Variants in NEDD9 observed in about 807,000 individuals in gnomAD.
The protein encoded by NEDD9 is neural precursor cell expressed, developmentally down-regulated 9.
A neutral mutation model predicts 76.6 loss-of-function variants in NEDD9; 26 were observed. The ratio of observed to expected loss-of-function variants is 0.34; its 90% CI spans 0.25 to 0.47. NEDD9 has a LOEUF of 0.47. NEDD9 is among the 20% of genes least tolerant of loss of function. The pLI, the probability that NEDD9 is intolerant of heterozygous loss-of-function variation, is 1.00. For missense variants in NEDD9, 937 were observed against 1,058.5 expected, an observed-to-expected ratio of 0.89 and a Z score of 1.59; for synonymous variants, 392 against 414.2, an observed-to-expected ratio of 0.95 and a Z score of 0.65.
chr6:11,247,397 G>T (rs187686846), intron 3 of NEDD9, among the ~76,000 whole-genome samples: 75 of 152,252 alleles, frequency 4.9e-4, no homozygotes, highest in African/African-American at 1.7e-3. Flanking sequence ...TTAGAAGTAG[G>T]CGATCCACTA....
Position 11,190,946 on chromosome 6 carries a change from T to G in NEDD9, c.923A>C (p.Gln308Pro). ...SPNHPPPQLG[Q>P]SVGSQNDAYD... Reference sequence around the variant, plus strand: ...TGCGTCGTTCTGAGAGCCCACTGACTGTCCGAGTTGCGGGGGTGGGTGATT... The same window carrying G: ...TGCGTCGTTCTGAGAGCCCACTGACGGTCCGAGTTGCGGGGGTGGGTGATT... Residue 308 changes from glutamine to proline, a missense_variant, in exon 5 of 7, where the codon CAG (glutamine) becomes CCG (proline). By Grantham distance (76) the Gln-to-Pro change is moderately conservative. Coordinates refer to ENST00000379446, the MANE Select transcript of NEDD9 (RefSeq NM_006403.4). The surrounding 1 kb of genome is among the most constrained non-coding windows in gnomAD (Gnocchi z 5.8). The G allele has an allele frequency of 6.2e-7, 1 of 1,614,038 alleles. No homozygotes were observed. Among genetic ancestry groups the G allele is most frequent in the East Asian group, 2.2e-5 (1 of 44,864 alleles).
chr6:11,245,942 A>T (rs1195177992), intron 3 of NEDD9, among the ~76,000 whole-genome samples: 3 of 141,284 alleles, frequency 2.1e-5, no homozygotes. Flanking sequence ...CACATGGTTT[A>T]GTTTTTTTTT....
At chr6:11,354,152 G>T (rs995510405) in intron 1 of NEDD9, among the ~76,000 whole-genome samples, 2 of 152,212 alleles carry the variant, frequency 1.3e-5, no homozygotes, top group African/African-American at 4.8e-5. Flanking sequence ...GCTGAGTTGG[G>T]CTGAGAATGA....
chr6:11,273,861 G>A (rs1260166192), intron 3 of NEDD9, among the ~76,000 whole-genome samples: 1 of 152,144 alleles, frequency 6.6e-6, no homozygotes, highest in African/African-American at 2.4e-5. Context: ...GTACTTTGAC[G>A]TACTCTGACC....
intron 2 of NEDD9, among the ~76,000 whole-genome samples, chr6:11,306,628 A>G (rs1319062025): frequency 1.3e-5 from 2 of 152,130 alleles, no homozygotes; most frequent in African/African-American, 4.8e-5. Context: ...CTACTCTCCC[A>G]TCCCTGAGGC....
chr6:11,192,596 C>CTT (rs34998457), intron 3 of NEDD9, 150 bp from the exon 4 acceptor site: 204,816 of 502,876 alleles, frequency 0.41, 31,169 homozygotes, highest in African/African-American at 0.58. Flanking sequence ...GATTTATTGC[C>CTT]TTTTTTTTTA....
At chr6:11,372,551 T>C (rs1762896545) in intron 1 of NEDD9, among the ~76,000 whole-genome samples, 2 of 152,240 alleles carry the variant, frequency 1.3e-5, no homozygotes, top group African/African-American at 4.8e-5. Flanking sequence ...GCTCTATTTT[T>C]AGTTTTTTGA....
intron 2 of NEDD9, among the ~76,000 whole-genome samples, chr6:11,307,646 A>G (rs999782787): frequency 1.3e-5 from 2 of 152,172 alleles, no homozygotes; most frequent in Non-Finnish European, 2.9e-5. Context: ...ATATATATAT[A>G]TACACACACA....
chr6:11,206,530 A>G (rs1229642812), intron 2 of NEDD9, among the ~76,000 whole-genome samples: 2 of 152,248 alleles, frequency 1.3e-5, no homozygotes, highest in African/African-American at 4.8e-5. Flanking sequence ...GCCAGACATC[A>G]TATTAAAGCA....
chr6:11,380,921 G>A (rs114393304), intron 1 of NEDD9, among the ~76,000 whole-genome samples: 2,802 of 152,110 alleles, frequency 0.018, 45 homozygotes, highest in Non-Finnish European at 0.023. Context: ...CAATCCTCCC[G>A]CCTTAGCCTC....
chr6:11,311,512 C>T (rs1731155719), intron 2 of NEDD9, among the ~76,000 whole-genome samples: 1 of 152,194 alleles, frequency 6.6e-6, no homozygotes, highest in African/African-American at 2.4e-5. Flanking sequence ...TGGGAAACTG[C>T]ATTAGAATTC....
chr6:11,350,739 A>G (rs1391689564), intron 1 of NEDD9, among the ~76,000 whole-genome samples: 1 of 152,110 alleles, frequency 6.6e-6, no homozygotes, highest in Non-Finnish European at 1.5e-5. Context: ...TGACTAAGAC[A>G]CTGAACAAGG....
At chr6:11,307,341 G>A (rs1321124052) in intron 2 of NEDD9, among the ~76,000 whole-genome samples, 2 of 152,116 alleles carry the variant, frequency 1.3e-5, no homozygotes, top group South Asian at 4.1e-4. Context: ...GCTAAGAGGG[G>A]GGAAAAAGGA....
At chr6:11,325,390 C>T (rs959111776) in intron 2 of NEDD9, among the ~76,000 whole-genome samples, 1 of 151,212 alleles carries the variant, frequency 6.6e-6, no homozygotes, top group African/African-American at 2.4e-5. Flanking sequence ...TATTGAGAAG[C>T]GAAATAAAAG....
Position 11,241,887 on chromosome 6 carries a change from C to T in NEDD9, c.13-28160G>A, listed in dbSNP as rs183631173. Among the ~76,000 whole-genome samples the T allele has an allele frequency of 3.4e-4, 52 of 152,282 alleles. No individual in the cohort carries two copies. The highest frequency in any genetic ancestry group is 2.1e-3 in the South Asian group (10 of 4,828). On this transcript the variant is annotated intron_variant, in intron 3 of 3. Coordinates refer to the NEDD9 transcript ENST00000397378. This position sits in a 1 kb window ranked among gnomAD's most constrained non-coding sequence, Gnocchi z 4.0. Reference sequence around the variant, plus strand: ...GCAGCCGCCAGCTGGCGCTCGTGAGCGCATGAAAGGAATCCGGATAATACA... The same window carrying T: ...GCAGCCGCCAGCTGGCGCTCGTGAGTGCATGAAAGGAATCCGGATAATACA...
At chr6:11,228,556 A>AG (rs1759376524) in intron 1 of NEDD9, among the ~76,000 whole-genome samples, 2 of 60,540 alleles carry the variant, frequency 3.3e-5, no homozygotes, top group Non-Finnish European at 6.0e-5. Context: ...AAAAGTGGAG[A>AG]GGAAGGTGTT....
At chr6:11,272,032 G>A (rs1760317808) in intron 3 of NEDD9, among the ~76,000 whole-genome samples, 1 of 152,120 alleles carries the variant, frequency 6.6e-6, no homozygotes, top group South Asian at 2.1e-4. Flanking sequence ...CTTCTTAGGT[G>A]GCCCCACCAC....
intron 1 of NEDD9, among the ~76,000 whole-genome samples, chr6:11,358,466 A>G (rs767186181): frequency 1.3e-5 from 2 of 152,160 alleles, no homozygotes; most frequent in African/African-American, 2.4e-5. Context: ...TTCATGTTTC[A>G]GAAAACACCT....
chr6:11,215,875 G>T (rs1421538676), intron 1 of NEDD9, among the ~76,000 whole-genome samples: 1 of 152,204 alleles, frequency 6.6e-6, no homozygotes, highest in African/African-American at 2.4e-5. Context: ...GCATAAATCA[G>T]CTCAAGGCAT....
Sources: gnomAD v4.1 joint callset for allele counts (sites outside exome capture counted in the v4.1 genomes callset) on GRCh38, gnomAD v4.1.1 for gene constraint, Gnocchi (gnomAD v3.1) non-coding constraint, MANE v1.5 for transcripts, NCBI Gene and HGNC (gene_info 2026-07-23, HGNC 2026-07-21) for gene names.